ACTN1: variants seen among roughly 807,000 people sequenced by gnomAD.
ACTN1 encodes actinin alpha 1.
In ACTN1, 30 loss-of-function variants were observed where a neutral mutation model predicts 119.6. The ratio of observed to expected loss-of-function variants is 0.25; its 90% CI spans 0.19 to 0.34. The LOEUF is 0.34. Among genes scored for constraint, ACTN1 ranks in the 10% least tolerant of loss-of-function variants. The probability of loss-of-function intolerance (pLI) is 1.00; values close to 1 mark genes in which losing one functional copy is unlikely to be tolerated. For synonymous variants in ACTN1, 429 were observed against 472.6 expected (o/e 0.91, Z 1.20); for missense variants, 764 against 1,223.4 (o/e 0.62, Z 5.60).
Position 68,874,733 on chromosome 14 carries a change from C to A in ACTN1, c.*126G>T, listed in dbSNP as rs2030641283. ...CTTCGCGGGCAGGGAGGATCGATGC[C>A]ACGTGGGCCCCAGCTCACCCGGGTG... On this transcript the variant is annotated 3_prime_UTR_variant, in exon 22 of 22. Coordinates refer to ENST00000394419, the MANE Select transcript of ACTN1 (RefSeq NM_001130004.2). 1 of 955,198 alleles carries A rather than the reference C, an allele frequency of 1.0e-6. No individual in the cohort carries two copies. Among genetic ancestry groups the A allele is most frequent in the African/African-American group, 1.7e-5 (1 of 59,708 alleles). 59.2% of individuals were successfully genotyped at this position (955,198 alleles called of 1,614,324 possible).
chr14:68,878,952 G>A lies in ACTN1; in HGVS notation c.2361+37C>T, dbSNP rs774059525. 2.5e-6 allele frequency: 4 copies of A among 1,612,552 alleles called. No individual in the cohort carries two copies. The highest frequency in any genetic ancestry group is 1.3e-5 in the African/African-American group (1 of 74,620). On this transcript the variant is annotated intron_variant, in intron 19 of 21. Transcript: ENST00000394419. This position sits in a 1 kb window ranked among gnomAD's most constrained non-coding sequence, Gnocchi z 4.4. ...AAACGCATTATTTCTTGCCCCAGAC[G>A]CCACCCCTGAGCGTGCTCCATGCAG...
intron 10 of ACTN1, among the ~76,000 whole-genome samples, chr14:68,891,052 C>T (rs2032437685): frequency 6.6e-6 from 1 of 152,192 alleles, no homozygotes; most frequent in South Asian, 2.1e-4. Context: ...CTTGGAGCCC[C>T]GAAATGACTG....
Position 68,925,135 on chromosome 14 carries a change from C to A in ACTN1, c.220+423G>T, listed in dbSNP as rs2034854550. Among the ~76,000 whole-genome samples the A allele has an allele frequency of 6.6e-6, 1 of 152,064 alleles. No individual in the cohort carries two copies. The highest frequency in any genetic ancestry group is 1.5e-5 in the Non-Finnish European group (1 of 67,996). ...TCATAAGCAGGATGAGATGTGTGTT[C>A]CAGTAGAGCTGTCCCTCCAGACATC... On this transcript the variant is annotated intron_variant, in intron 2 of 21. Coordinates refer to ENST00000394419, the MANE Select transcript of ACTN1 (RefSeq NM_001130004.2). The surrounding 1 kb of genome is among the most constrained non-coding windows in gnomAD (Gnocchi z 4.3).
At chr14:68,875,115 T>G (rs1277277058) in intron 21 of ACTN1, 98 bp from the exon 22 acceptor site, 1 of 1,561,392 alleles carries the variant, frequency 6.4e-7, no homozygotes, top group South Asian at 1.1e-5. Context: ...GAAGGCAGCA[T>G]GTGCCGTTTG....
chr14:68,916,621 G>T (rs188105255), intron 3 of ACTN1, among the ~76,000 whole-genome samples: 1 of 152,128 alleles, frequency 6.6e-6, no homozygotes, highest in African/African-American at 2.4e-5. Context: ...CCGGGCCTCC[G>T]GCTTCTCAAC....
At chr14:68,906,853 G>A (rs1282709586) in intron 6 of ACTN1, among the ~76,000 whole-genome samples, 1 of 152,134 alleles carries the variant, frequency 6.6e-6, no homozygotes, top group Non-Finnish European at 1.5e-5. Context: ...GCCAGGTGTG[G>A]TGGCTGTTCC....
intron 1 of ACTN1, 114 bp downstream of exon 1, chr14:68,978,838 C>T: frequency 1.6e-6 from 1 of 637,388 alleles, no homozygotes; most frequent in Non-Finnish European, 2.4e-6. Context: ...CCCGCCCCCT[C>T]CCGTGCGCGC....
At chr14:68,904,617 G>T (rs1566620956) in intron 7 of ACTN1, 38 bp downstream of exon 7, 1 of 1,593,102 alleles carries the variant, frequency 6.3e-7, no homozygotes, top group Non-Finnish European at 8.6e-7. Flanking sequence ...TGGCAGGTGG[G>T]CGATGGGCAA....
chr14:68,877,420 C>T (rs1022648590), intron 20 of ACTN1, 180 bp from the exon 21 acceptor site: 6 of 656,108 alleles, frequency 9.1e-6, no homozygotes, highest in African/African-American at 9.1e-5. Flanking sequence ...CAGGGGAGAC[C>T]CAGCTCAGGG....
chr14:68,888,860 T>C (rs1442532383), intron 11 of ACTN1, among the ~76,000 whole-genome samples: 1 of 152,072 alleles, frequency 6.6e-6, no homozygotes, highest in Non-Finnish European at 1.5e-5. Flanking sequence ...ATCTGCCTCC[T>C]CCCCACTGCA....
At chr14:68,903,401 G>C (rs2033464137) in intron 7 of ACTN1, among the ~76,000 whole-genome samples, 1 of 152,068 alleles carries the variant, frequency 6.6e-6, no homozygotes, top group Non-Finnish European at 1.5e-5. Flanking sequence ...AAATTAGCCG[G>C]TGGTGGGTGC....
intron 1 of ACTN1, among the ~76,000 whole-genome samples, chr14:68,942,388 A>G (rs1594852331): frequency 6.8e-6 from 1 of 147,952 alleles, no homozygotes; most frequent in South Asian, 2.2e-4. Flanking sequence ...CAAAAAAAAA[A>G]GAACTTCCTG....
intron 1 of ACTN1, among the ~76,000 whole-genome samples, chr14:68,945,021 C>A (rs1052112856): frequency 8.6e-5 from 13 of 151,884 alleles, no homozygotes; most frequent in Non-Finnish European, 1.3e-4. Context: ...ACAAAATTAG[C>A]TGGGTGTGGT....
chr14:68,900,094 C>T (rs867502136), intron 8 of ACTN1, among the ~76,000 whole-genome samples: 3 of 152,138 alleles, frequency 2.0e-5, no homozygotes, highest in South Asian at 2.1e-4. Context: ...GTCTCTGGCC[C>T]GCACCAATGA....
chr14:68,916,824 C>A (rs1209087935), intron 3 of ACTN1, among the ~76,000 whole-genome samples: 1 of 152,232 alleles, frequency 6.6e-6, no homozygotes, highest in Non-Finnish European at 1.5e-5. Context: ...CCCCTGTTTA[C>A]TGGGAACATG....
chr14:68,952,814 T>C (rs2140550734), intron 1 of ACTN1, among the ~76,000 whole-genome samples: 1 of 152,152 alleles, frequency 6.6e-6, no homozygotes, highest in Admixed American at 6.5e-5. Flanking sequence ...CAATCACATC[T>C]CCACTTAAAC....
In ACTN1 at chr14:68,958,054, C is replaced by T. The variant is rs569544786; in HGVS notation, c.105+20898G>A. 3.3e-5 allele frequency among the ~76,000 whole-genome samples: 5 copies of T among 152,284 alleles called. No individual in the cohort carries two copies. The South Asian group carries it at 1.0e-3, about 32-fold the overall frequency. ...CTTCTCACACCGAAGCGCATCAGCC[C>T]GGGGTCCCGACCTCTTGGGTTTCAC... On this transcript the variant is annotated intron_variant, in intron 1 of 21. Transcript: ENST00000394419.
At chr14:68,948,394 T>C (rs1179181649) in intron 1 of ACTN1, among the ~76,000 whole-genome samples, 2 of 152,244 alleles carry the variant, frequency 1.3e-5, no homozygotes, top group African/African-American at 2.4e-5. Context: ...CTGACCAACA[T>C]GGTGGAACCC....
At chr14:68,906,986 A>AG (rs144749586) in intron 6 of ACTN1, among the ~76,000 whole-genome samples, 21,140 of 151,884 alleles carry the variant, frequency 0.14, 1,544 homozygotes, top group Non-Finnish European at 0.15. Context: ...AAAAAACAGA[A>AG]GGGGGGCTGG....
Sources: allele counts gnomAD v4.1 joint callset (sites outside exome capture counted in the v4.1 genomes callset), GRCh38; gene constraint gnomAD v4.1.1; non-coding constraint Gnocchi (gnomAD v3.1); transcripts MANE v1.5; gene names NCBI Gene and HGNC (gene_info 2026-07-23, HGNC 2026-07-21).